CMSS1: variants seen among roughly 807,000 people sequenced by gnomAD.
The protein encoded by CMSS1 is protein CMSS1.
Under a neutral mutation model 43.5 loss-of-function variants are expected in CMSS1, and 33 were observed. The ratio of observed to expected loss-of-function variants is 0.76; its 90% CI spans 0.57 to 1.01. CMSS1 has a LOEUF of 1.01. Among genes scored for constraint, CMSS1 ranks in the 50% least tolerant of loss-of-function variants. The pLI, the probability that CMSS1 is intolerant of heterozygous loss-of-function variation, is 0.00. For missense variants in CMSS1, 313 were observed against 326.4 expected, an observed-to-expected ratio of 0.96 and a Z score of 0.32; for synonymous variants, 115 against 117.2, an observed-to-expected ratio of 0.98 and a Z score of 0.12.
intron 1 of CMSS1, among the ~76,000 whole-genome samples, chr3:99,873,901 AATTATT>A (rs1181541776): frequency 6.6e-6 from 1 of 152,212 alleles, no homozygotes; most frequent in African/African-American, 2.4e-5. Flanking sequence ...CTAAGCATAA[AATTATT>A]ATGTGCTTTA....
chr3:100,024,017 G>C (rs2107238536), intron 1 of CMSS1, among the ~76,000 whole-genome samples: 1 of 152,246 alleles, frequency 6.6e-6, no homozygotes, highest in African/African-American at 2.4e-5. Flanking sequence ...TCCCCCTTCA[G>C]CTGACAGACT....
chr3:99,833,140 T>C (rs1331034048), intron 1 of CMSS1: 9 of 1,102,328 alleles, frequency 8.2e-6, no homozygotes, highest in Non-Finnish European at 1.1e-5. Context: ...GGAAAGCTCA[T>C]TCATAGAAGA....
At chr3:100,137,499 G>A (rs1393720828) in intron 1 of CMSS1, among the ~76,000 whole-genome samples, 1 of 151,392 alleles carries the variant, frequency 6.6e-6, no homozygotes, top group Non-Finnish European at 1.5e-5. Context: ...GAGAGGGGAA[G>A]ATGTTAATAT....
At chr3:100,047,075 A>G (rs1336799021) in intron 1 of CMSS1, among the ~76,000 whole-genome samples, 1 of 152,202 alleles carries the variant, frequency 6.6e-6, no homozygotes. Flanking sequence ...TGAAGGTCCA[A>G]AACTGCTAAA....
In CMSS1 at chr3:100,167,747, A is replaced by C. The variant is rs1284760511; in HGVS notation, c.425A>C (p.Lys142Thr). The change falls in exon 6 of 10, where the codon AAG (lysine) becomes ACG (threonine). Residue 142 changes from lysine to threonine, a missense_variant. Physicochemically the swap from Lys to Thr is moderately conservative, Grantham distance 78. Coordinates refer to ENST00000421999, the MANE Select transcript of CMSS1 (RefSeq NM_032359.4). ...LSSYLKEICP[K>T]WVKLRKNHSE... is the part of the protein sequence containing the mutation. The stretch of plus-strand genomic sequence containing the variant: ...CTGTTCTTTTTTCCAGTTTGTCCTA[A>C]GTGGGTAAAACTTAGGAAGAACCAC... 1.2e-6 allele frequency: 2 copies of C among 1,610,656 alleles called. No homozygotes were observed. The highest frequency in any genetic ancestry group is 1.7e-6 in the Non-Finnish European group (2 of 1,178,310).
chr3:100,142,402 A>T (rs2066812773), intron 1 of CMSS1, among the ~76,000 whole-genome samples: 1 of 152,232 alleles, frequency 6.6e-6, no homozygotes. Flanking sequence ...TTTATATTGT[A>T]TCAGGTATTA....
chr3:100,165,868 GT>G (rs2067061559), intron 4 of CMSS1, among the ~76,000 whole-genome samples: 1 of 152,174 alleles, frequency 6.6e-6, no homozygotes, highest in African/African-American at 2.4e-5. Context: ...GTTCACAAGA[GT>G]TTCCATCAAC....
chr3:100,050,941 T>TC (rs1437693037), intron 1 of CMSS1, among the ~76,000 whole-genome samples: 1 of 152,216 alleles, frequency 6.6e-6, no homozygotes, highest in Admixed American at 6.5e-5. Context: ...AAGAATTTGA[T>TC]CCAAAAGTCA....
intron 1 of CMSS1, chr3:99,930,068 C>A (rs1435237906): frequency 5.2e-6 from 8 of 1,524,842 alleles, no homozygotes; most frequent in African/African-American, 2.8e-5. Flanking sequence ...CCTGCTGTCT[C>A]TACCAGCAGT....
intron 1 of CMSS1, among the ~76,000 whole-genome samples, chr3:99,905,708 T>C (rs1282422447): frequency 2.0e-5 from 3 of 152,228 alleles, no homozygotes; most frequent in Non-Finnish European, 4.4e-5. Flanking sequence ...TGATATCCAC[T>C]TTCTTACTGA....
rs758509384 is a variant in CMSS1, at chr3:100,176,379, AG to A, written c.721del (p.Asp241IlefsTer4). 6.2e-7 allele frequency: 1 copy of A among 1,613,448 alleles called. No individual in the cohort carries two copies. The highest frequency in any genetic ancestry group is 1.7e-5 in the Admixed American group (1 of 59,966). ...TTCTGGTTTTTGACTGGAACTGGAG[AG>A]ATCAGAAGTTGAGGAGAATGATGGA... is the stretch of plus-strand genomic sequence containing the variant. The part of the protein sequence containing the change: ...KFLVFDWNWR[D>X]QKLRRMMDIP... On this transcript the variant is annotated frameshift_variant, in exon 9 of 10. Transcript: ENST00000421999. LOFTEE classifies it high-confidence loss of function.
At chr3:100,140,980 C>T (rs113439344) in intron 1 of CMSS1, among the ~76,000 whole-genome samples, 20 of 152,228 alleles carry the variant, frequency 1.3e-4, no homozygotes, top group African/African-American at 4.6e-4. Flanking sequence ...CTATATGTAT[C>T]CTACAGGAGA....
intron 1 of CMSS1, among the ~76,000 whole-genome samples, chr3:100,139,166 G>A (rs1193644665): frequency 6.6e-6 from 1 of 152,216 alleles, no homozygotes; most frequent in African/African-American, 2.4e-5. Context: ...ACAGGGAGGG[G>A]ACCATCACAC....
intron 1 of CMSS1, among the ~76,000 whole-genome samples, chr3:100,024,617 C>T (rs17314280): frequency 0.012 from 1,784 of 152,242 alleles, 23 homozygotes; most frequent in African/African-American, 0.026. Context: ...CAGGCATAGG[C>T]AGGTTTGAGA....
intron 1 of CMSS1, among the ~76,000 whole-genome samples, chr3:99,859,146 GT>G (rs1412341909): frequency 6.6e-6 from 1 of 152,210 alleles, no homozygotes; most frequent in African/African-American, 2.4e-5. Flanking sequence ...AAGTTGCCTG[GT>G]TTTTATAAAT....
At chr3:100,049,644 C>T (rs746673924) in intron 1 of CMSS1, among the ~76,000 whole-genome samples, 4 of 152,174 alleles carry the variant, frequency 2.6e-5, no homozygotes, top group Non-Finnish European at 4.4e-5. Flanking sequence ...TTCTGCCATT[C>T]CTGAGACAGC....
At chr3:99,894,841 A>G (rs889070851) in intron 1 of CMSS1, among the ~76,000 whole-genome samples, 2 of 152,210 alleles carry the variant, frequency 1.3e-5, no homozygotes, top group Non-Finnish European at 2.9e-5. Context: ...TTATTACAGT[A>G]CGGAGTAGAG....
chr3:100,145,439 T>C (rs559388669), intron 1 of CMSS1, among the ~76,000 whole-genome samples: 1 of 150,502 alleles, frequency 6.6e-6, no homozygotes, highest in Non-Finnish European at 1.5e-5. Flanking sequence ...CAGAGAGAGA[T>C]TCCGTCTCAA....
intron 2 of CMSS1, among the ~76,000 whole-genome samples, chr3:100,156,760 C>T (rs1225149029): frequency 2.6e-5 from 4 of 152,214 alleles, no homozygotes; most frequent in Non-Finnish European, 4.4e-5. Flanking sequence ...GGACTACAGG[C>T]GCCTGCCACC....
Sources: allele counts gnomAD v4.1 joint callset (sites outside exome capture counted in the v4.1 genomes callset), GRCh38; gene constraint gnomAD v4.1.1; transcripts MANE v1.5; gene names NCBI Gene and HGNC (gene_info 2026-07-23, HGNC 2026-07-21).